Variants in JAM2 observed in about 807,000 individuals in gnomAD.
JAM2 encodes the protein junctional adhesion molecule B.
A neutral mutation model predicts 42.0 loss-of-function variants in JAM2; 17 were observed. The observed-to-expected ratio is 0.40, with a 90% CI of 0.28 to 0.61. The LOEUF (loss-of-function observed/expected upper bound fraction) is 0.61, where lower values mean the gene tolerates loss of function less well. Ranked by LOEUF, JAM2 falls within the 20% of genes least tolerant of loss-of-function variation. JAM2 has a pLI of 0.37. For synonymous variants in JAM2, 118 were observed against 128.6 expected (o/e 0.92, Z 0.56); for missense variants, 319 against 358.3 (o/e 0.89, Z 0.89).
intron 1 of JAM2, among the ~76,000 whole-genome samples, chr21:25,658,614 G>C (rs2033001327): frequency 6.6e-6 from 1 of 152,130 alleles, no homozygotes; most frequent in Non-Finnish European, 1.5e-5. Flanking sequence ...AGCTGGGGAG[G>C]AATTTTGCAA....
At chr21:25,666,462 T>TTACAGGCACCCGCCACCACACC (rs1048119329) in intron 1 of JAM2, among the ~76,000 whole-genome samples, 4 of 152,056 alleles carry the variant, frequency 2.6e-5, no homozygotes, top group Non-Finnish European at 5.9e-5. Context: ...GTCGCTGGGA[T>TTACAGGCACCCGCCACCACACC]TACAGGCACC....
intron 4 of JAM2, among the ~76,000 whole-genome samples, chr21:25,694,974 CTTTCTTTTTT>C (rs1006987664): frequency 1.4e-5 from 2 of 141,196 alleles, no homozygotes; most frequent in Admixed American, 6.9e-5. Context: ...CTTCCTTTTT[CTTTCTTTTTT>C]TTTTTTTTAG....
At chr21:25,676,232 AAGCCAAGATCACGCCACTGCACTCC>A (rs1336244379) in intron 1 of JAM2, among the ~76,000 whole-genome samples, 2 of 150,018 alleles carry the variant, frequency 1.3e-5, no homozygotes, top group East Asian at 4.0e-4. Flanking sequence ...AGGTTGCAGT[AAGCCAAGATCACGCCACTGCACTCC>A]AGCCTGGGTG....
chr21:25,689,762 A>G (rs563679092), intron 2 of JAM2, 104 bp from the exon 3 acceptor site: 36 of 709,672 alleles, frequency 5.1e-5, no homozygotes, highest in African/African-American at 4.1e-4. Context: ...GAATAAAACT[A>G]TAAAGGAGTA....
At position 25,690,236 on chromosome 21, in the gene JAM2, T is replaced by A. The variant is rs146211861; in HGVS notation, c.241+263T>A. On this transcript the variant is annotated intron_variant, in intron 3 of 9. Coordinates refer to ENST00000480456, the MANE Select transcript of JAM2 (RefSeq NM_021219.4). ...GCAAAATGCAATTGCTCTTATTGGC[T>A]CAGTAGATTAAACTCCGTTCCTTCC... Among the ~76,000 whole-genome samples, 579 of 152,342 alleles carry A rather than the reference T, an allele frequency of 3.8e-3. 16 individuals are homozygous for A. The highest frequency in any genetic ancestry group is 0.034 in the Admixed American group (528 of 15,308).
chr21:25,709,475 G>A, intron 8 of JAM2, 26 bp downstream of exon 8: 5 of 1,428,022 alleles, frequency 3.5e-6, no homozygotes, highest in Non-Finnish European at 4.9e-6. Context: ...TACAATGCAT[G>A]TCTTTCTCCT....
intron 4 of JAM2, among the ~76,000 whole-genome samples, chr21:25,695,748 A>G (rs2034002654): frequency 6.6e-6 from 1 of 150,656 alleles, no homozygotes; most frequent in Non-Finnish European, 1.5e-5. Context: ...CTCACTTCTC[A>G]GACGGGGTGG....
At chr21:25,696,746 G>C (rs920824637) in intron 4 of JAM2, among the ~76,000 whole-genome samples, 8 of 152,142 alleles carry the variant, frequency 5.3e-5, no homozygotes, top group Non-Finnish European at 4.4e-5. Context: ...GTAGGACCGA[G>C]AGGTCTCTGT....
chr21:25,660,769 TATATATA>T (rs2033058609), intron 1 of JAM2, among the ~76,000 whole-genome samples: 1 of 63,582 alleles, frequency 1.6e-5, no homozygotes, highest in African/African-American at 8.0e-5. Context: ...CATATATATA[TATATATA>T]TATATATTTT....
chr21:25,691,716 A>G (rs987562509), intron 3 of JAM2, among the ~76,000 whole-genome samples: 6 of 152,174 alleles, frequency 3.9e-5, no homozygotes, highest in African/African-American at 1.4e-4. Flanking sequence ...TGAGGCAAGC[A>G]TTTGAGCTCA....
At chr21:25,649,368 T>C (rs764167255) in intron 1 of JAM2, among the ~76,000 whole-genome samples, 8 of 152,184 alleles carry the variant, frequency 5.3e-5, no homozygotes, top group Non-Finnish European at 8.8e-5. Flanking sequence ...TCTTCTTTAC[T>C]TGATGGCCGG....
chr21:25,695,023 C>T (rs1205499448), intron 4 of JAM2, among the ~76,000 whole-genome samples: 1 of 148,476 alleles, frequency 6.7e-6, no homozygotes, highest in Non-Finnish European at 1.5e-5. Flanking sequence ...GGGTGTTTCT[C>T]GCAGAGGGGG....
intron 3 of JAM2, among the ~76,000 whole-genome samples, chr21:25,691,267 A>G (rs189851972): frequency 1.3e-5 from 2 of 152,264 alleles, no homozygotes; most frequent in Admixed American, 1.3e-4. Context: ...TACTAGCTGT[A>G]AGGTGTTAAT....
intron 5 of JAM2, among the ~76,000 whole-genome samples, chr21:25,701,674 A>C (rs554411596): frequency 3.3e-5 from 5 of 152,358 alleles, no homozygotes; most frequent in African/African-American, 4.8e-5. Flanking sequence ...ATACCAATTA[A>C]GATTTTCCTA....
At chr21:25,669,125 C>T (rs533192659) in intron 1 of JAM2, among the ~76,000 whole-genome samples, 1 of 152,216 alleles carries the variant, frequency 6.6e-6, no homozygotes, top group East Asian at 1.9e-4. Context: ...ATAATCCCAG[C>T]ATTTTGGGAG....
rs2034485646 is a variant in JAM2 at position 25,716,624 on chromosome 21, T to G, written c.*1952T>G. 1 of 152,214 alleles carries G rather than the reference T, an allele frequency of 6.6e-6. No individual in the cohort carries two copies. Among genetic ancestry groups the G allele is most frequent in the African/African-American group, 2.4e-5 (1 of 41,454 alleles). 9.4% of individuals were successfully genotyped at this position (152,214 alleles called of 1,614,324 possible). A position where few individuals can be genotyped will look rare whatever the true frequency, so the allele number is the denominator to read the frequency against. ...GTCCCTGTTAACAACTACTTGACTC[T>G]GCCATTGTAGCACAAAGGCAGCCAC... On this transcript the variant is annotated 3_prime_UTR_variant, in exon 10 of 10. Transcript: ENST00000480456.
At chr21:25,653,428 A>C (rs997250531) in intron 1 of JAM2, among the ~76,000 whole-genome samples, 1 of 152,186 alleles carries the variant, frequency 6.6e-6, no homozygotes, top group Non-Finnish European at 1.5e-5. Flanking sequence ...ACACTGCTAT[A>C]AGGAACTGCC....
At chr21:25,668,843 A>G (rs749441323) in intron 1 of JAM2, among the ~76,000 whole-genome samples, 4 of 152,200 alleles carry the variant, frequency 2.6e-5, no homozygotes, top group Non-Finnish European at 5.9e-5. Flanking sequence ...AAGAAAAACT[A>G]GGAAAGTGTG....
chr21:25,659,197 A>T (rs1359413069), intron 1 of JAM2, among the ~76,000 whole-genome samples: 2 of 152,084 alleles, frequency 1.3e-5, no homozygotes, highest in African/African-American at 4.8e-5. Context: ...TCATCCTAAC[A>T]ACATCACAGC....
Sources: allele counts gnomAD v4.1 joint callset (sites outside exome capture counted in the v4.1 genomes callset), GRCh38; gene constraint gnomAD v4.1.1; transcripts MANE v1.5; gene names NCBI Gene and HGNC (gene_info 2026-07-23, HGNC 2026-07-21).